Variants in ZNF236 observed in about 807,000 individuals in gnomAD.
ZNF236 encodes regulated by glucose.
Under a neutral mutation model 191.2 loss-of-function variants are expected in ZNF236, and 50 were observed. That is an observed-to-expected ratio of 0.26 (90% CI 0.21 to 0.33). The LOEUF is 0.33. Ranked by LOEUF, ZNF236 falls within the 10% of genes least tolerant of loss-of-function variation. The probability of loss-of-function intolerance (pLI) is 1.00; values close to 1 mark genes in which losing one functional copy is unlikely to be tolerated. For missense variants in ZNF236, 1,754 were observed against 2,374.5 expected (o/e 0.74, Z 5.43); for synonymous variants, 907 against 928.8 (o/e 0.98, Z 0.43).
intron 20 of ZNF236, among the ~76,000 whole-genome samples, 184 bp from the exon 21 acceptor site, chr18:76,922,887 C>G (rs530694951): frequency 6.6e-6 from 1 of 152,116 alleles, no homozygotes; most frequent in Non-Finnish European, 1.5e-5. Context: ...ATTATTTGTC[C>G]TGCAAATATT....
Position 76,968,592 on chromosome 18 carries a change from A to G in ZNF236, c.*253A>G, listed in dbSNP as rs1968841607. 8.0e-7 allele frequency: 1 copy of G among 1,246,066 alleles called. No individual in the cohort carries two copies. The highest frequency in any genetic ancestry group is 1.6e-5 in the African/African-American group (1 of 63,004). The allele number at this position is 1,246,066 out of a possible 1,614,324, so 77.2% of individuals were successfully genotyped here. On this transcript the variant is annotated 3_prime_UTR_variant, in exon 31 of 31. Transcript: ENST00000320610. ...TACTACTGTAGGCAGTTTCCTCCTC[A>G]GTCTCCTCCGTGGCTAGTGTGTCTA...
chr18:76,943,144 A>G (rs1220342192), intron 26 of ZNF236, among the ~76,000 whole-genome samples: 1 of 145,022 alleles, frequency 6.9e-6, no homozygotes, highest in Non-Finnish European at 1.5e-5. Flanking sequence ...AAAAAAAAAG[A>G]AGAGCAAATT....
chr18:76,864,743 ACT>A (rs747337355), intron 3 of ZNF236, among the ~76,000 whole-genome samples: 1 of 150,770 alleles, frequency 6.6e-6, no homozygotes, highest in Non-Finnish European at 1.5e-5. Context: ...ACGGTACAAG[ACT>A]CTGAATGGAA....
At chr18:76,849,185 CTA>C (rs1009184808) in intron 1 of ZNF236, 1 of 187,332 alleles carries the variant, frequency 5.3e-6, no homozygotes, top group African/African-American at 2.4e-5. Flanking sequence ...CTTTGAAACA[CTA>C]TACAGTAGGT....
chr18:76,896,308 G>A (rs1476479421), intron 10 of ZNF236, among the ~76,000 whole-genome samples: 3 of 149,452 alleles, frequency 2.0e-5, no homozygotes, highest in African/African-American at 7.5e-5. Context: ...AGCCTGCCGT[G>A]CTGCACACAC....
rs976349909 is a variant in ZNF236 at position 76,862,434 on chromosome 18, C to T, written c.364-6251C>T. Among the ~76,000 whole-genome samples the T allele has an allele frequency of 5.9e-5, 9 of 152,256 alleles. No individual in the cohort carries two copies. The South Asian group carries it at 8.3e-4, about 14-fold the overall frequency. Reference sequence around the variant, plus strand: ...CGTCCCTTGGGAGCTGGCAGCACTTCGATTTCCCCGGTGCTTGGGCCCAAG... The same window carrying T: ...CGTCCCTTGGGAGCTGGCAGCACTTTGATTTCCCCGGTGCTTGGGCCCAAG... On this transcript the variant is annotated intron_variant, in intron 3 of 30. Coordinates refer to ENST00000320610, the MANE Select transcript of ZNF236 (RefSeq NM_001306089.2).
Position 76,829,164 on chromosome 18 carries a change from GTT to G in ZNF236, c.55+6503_55+6504del, listed in dbSNP as rs915574087. Among the ~76,000 whole-genome samples the G allele has an allele frequency of 6.6e-5, 10 of 152,254 alleles. No homozygotes were observed. In the East Asian group the frequency reaches 9.7e-4, roughly 15 times the overall value. ...TGCTTTTTATATTTCAAGCCTTTATGTTGTCTGTGTGTACAGAGATAGTGCGT... is the reference window on the plus strand; with the variant it reads ...TGCTTTTTATATTTCAAGCCTTTATGGTCTGTGTGTACAGAGATAGTGCGT... On this transcript the variant is annotated intron_variant, in intron 1 of 30. Transcript: ENST00000320610.
intron 4 of ZNF236, among the ~76,000 whole-genome samples, chr18:76,870,622 G>T (rs1976555046): frequency 6.6e-6 from 1 of 152,172 alleles, no homozygotes; most frequent in African/African-American, 2.4e-5. Flanking sequence ...AAGGACAGTG[G>T]GATGGGTGTG....
chr18:76,910,094 C>T lies in ZNF236; in HGVS notation c.2578C>T (p.Leu860=). 6.2e-7 allele frequency: 1 copy of T among 1,613,358 alleles called. No individual in the cohort carries two copies. The highest frequency in any genetic ancestry group is 8.5e-7 in the Non-Finnish European group (1 of 1,179,298). ...EDGFVAPQDP[L]RGHVDQFEEQ... Reference sequence around the variant, plus strand: ...TGGGTTTGTGGCTCCACAGGACCCTCTGCGAGGGCACGTAGACCAGTTTGA... The same window carrying T: ...TGGGTTTGTGGCTCCACAGGACCCTTTGCGAGGGCACGTAGACCAGTTTGA... Residue 860 remains leucine, a synonymous_variant, in exon 15 of 31, where the codon CTG becomes TTG. Coordinates refer to ENST00000320610, the MANE Select transcript of ZNF236 (RefSeq NM_001306089.2).
At chr18:76,939,061 T>C (rs1365009421) in intron 26 of ZNF236, among the ~76,000 whole-genome samples, 1 of 152,144 alleles carries the variant, frequency 6.6e-6, no homozygotes, top group Non-Finnish European at 1.5e-5. Flanking sequence ...ACCGACTGGC[T>C]GGGCGTGGTG....
Position 76,968,342 on chromosome 18 carries a change from C to A in ZNF236, c.*3C>A. ...AGGCCCTCACCCACGTCTTCTGATG[C>A]GAGTTGGAAGTACACCTTTAAGAAT... On this transcript the variant is annotated 3_prime_UTR_variant, in exon 31 of 31. Transcript: ENST00000320610. The A allele has an allele frequency of 6.2e-7, 1 of 1,605,010 alleles. No individual in the cohort carries two copies. Among genetic ancestry groups the A allele is most frequent in the Non-Finnish European group, 8.5e-7 (1 of 1,177,636 alleles).
chr18:76,888,194 A>G (rs936509606), intron 9 of ZNF236, among the ~76,000 whole-genome samples: 6 of 152,156 alleles, frequency 3.9e-5, no homozygotes, highest in Admixed American at 1.3e-4. Context: ...AAATGGTGTA[A>G]CCCCATCTCT....
chr18:76,961,126 C>G (rs1009556410), intron 30 of ZNF236, among the ~76,000 whole-genome samples: 2 of 151,960 alleles, frequency 1.3e-5, no homozygotes, highest in African/African-American at 4.8e-5. Context: ...TACACTGCAC[C>G]CTATTTATAG....
intron 1 of ZNF236, among the ~76,000 whole-genome samples, chr18:76,823,787 C>T (rs1451204367): frequency 6.6e-6 from 1 of 152,276 alleles, no homozygotes; most frequent in Non-Finnish European, 1.5e-5. Flanking sequence ...GATCGGGGCG[C>T]ACTCGCCGGT....
At chr18:76,899,539 A>G (rs903507545) in intron 11 of ZNF236, among the ~76,000 whole-genome samples, 1 of 152,214 alleles carries the variant, frequency 6.6e-6, no homozygotes, top group Admixed American at 6.5e-5. Context: ...AAAAGTGAGA[A>G]GGGGTTTTTA....
chr18:76,849,446 C>T (rs1403699175), intron 1 of ZNF236, 80 bp from the exon 2 acceptor site: 1 of 1,237,086 alleles, frequency 8.1e-7, no homozygotes, highest in Non-Finnish European at 1.1e-6. Context: ...GGTTTTTAAA[C>T]AATAACCAAT....
rs573808436 is a variant in ZNF236, at chr18:76,827,795, G to C, written c.55+5133G>C. On this transcript the variant is annotated intron_variant, in intron 1 of 30. Transcript: ENST00000320610. ...CTTGATGTGTCCCTGGCACTATCCT[G>C]GGGATAGAAGGATGAGTGAGATATG... Among the ~76,000 whole-genome samples, 9 of 152,242 alleles carry C rather than the reference G, an allele frequency of 5.9e-5. No homozygotes were observed. In the East Asian group the frequency reaches 1.2e-3, roughly 20 times the overall value.
chr18:76,930,613 A>G (rs904656373), intron 25 of ZNF236, among the ~76,000 whole-genome samples: 12 of 152,344 alleles, frequency 7.9e-5, no homozygotes, highest in Admixed American at 7.2e-4. Flanking sequence ...CATTCAGAAC[A>G]CATAGGATAG....
chr18:76,863,970 A>G (rs1433076290), intron 3 of ZNF236, among the ~76,000 whole-genome samples: 2 of 152,322 alleles, frequency 1.3e-5, no homozygotes, highest in South Asian at 4.1e-4. Flanking sequence ...CATTTAAACC[A>G]TTGAGTAAGC....
Sources: gnomAD v4.1 joint callset for allele counts (sites outside exome capture counted in the v4.1 genomes callset) on GRCh38, gnomAD v4.1.1 for gene constraint, MANE v1.5 for transcripts, NCBI Gene and HGNC (gene_info 2026-07-23, HGNC 2026-07-21) for gene names.